The following TTLL3 variants were observed in gnomAD, a reference collection of about 807,000 sequenced individuals.
The protein encoded by TTLL3 is tubulin tyrosine ligase like 3, also known as tubulin monoglycylase TTLL3.
TTLL3 carries 63 observed loss-of-function variants against 75.2 expected under a neutral mutation model. The ratio of observed to expected loss-of-function variants is 0.84; its 90% CI spans 0.68 to 1.03. The LOEUF (loss-of-function observed/expected upper bound fraction) is 1.03, where lower values mean the gene tolerates loss of function less well. Ranked by LOEUF, TTLL3 falls within the 50% of genes least tolerant of loss-of-function variation. TTLL3 has a pLI of 0.00. For synonymous variants in TTLL3, 393 were observed against 418.5 expected (o/e 0.94, Z 0.74); for missense variants, 997 against 1,069.9 (o/e 0.93, Z 0.95).
rs780319955 is a variant in TTLL3 at position 9,810,275 on chromosome 3, C to T, written c.-161C>T. 1.3e-6 allele frequency: 2 copies of T among 1,505,430 alleles called. No homozygotes were observed. The highest frequency in any genetic ancestry group is 1.2e-5 in the South Asian group (1 of 81,118). The allele number at this position is 1,505,430 out of a possible 1,614,324, so 93.3% of individuals were successfully genotyped here. The stretch of plus-strand genomic sequence containing the variant: ...TGCCAGGCGGGCAGCCCCGCCCCTG[C>T]GCGCCGCCTCAGCGGCGCCTTCAAG... On this transcript the variant is annotated 5_prime_UTR_variant, in exon 1 of 14. Coordinates refer to ENST00000685419, the MANE Select transcript of TTLL3 (RefSeq NM_001387446.1). The surrounding 1 kb of genome is among the most constrained non-coding windows in gnomAD (Gnocchi z 4.4).
chr3:9,819,389 C>A, intron 7 of TTLL3: 1 of 457,270 alleles, frequency 2.2e-6, no homozygotes, highest in Non-Finnish European at 2.9e-6. Context: ...GTCTTCCCAT[C>A]CGTTTGTTAG....
intron 5 of TTLL3, among the ~76,000 whole-genome samples, chr3:9,816,724 T>C (rs1021863790): frequency 6.6e-6 from 1 of 151,766 alleles, no homozygotes; most frequent in African/African-American, 2.4e-5. Context: ...ACCATGTTGG[T>C]GACCTCAGGT....
intron 6 of TTLL3, 42 bp downstream of exon 6, chr3:9,817,801 A>G (rs925966823): frequency 2.5e-6 from 4 of 1,612,488 alleles, no homozygotes; most frequent in Non-Finnish European, 2.5e-6. Flanking sequence ...TCAGGCTGAC[A>G]GAGCAGGGCT....
upstream of TTLL3, chr3:9,809,937 G>C: frequency 1.6e-6 from 2 of 1,262,396 alleles, no homozygotes; most frequent in Non-Finnish European, 2.0e-6. Context: ...GAACTTCCCG[G>C]GAGAGGAGGC....
rs1039708805 is a variant in TTLL3 at position 9,832,957 on chromosome 3, G to C, written c.1684-147G>C. 5.4e-6 allele frequency: 5 copies of C among 920,844 alleles called. No individual in the cohort carries two copies. In the Admixed American group the frequency reaches 1.1e-4, roughly 20 times the overall value. 57.0% of individuals were successfully genotyped at this position (920,844 alleles called of 1,614,324 possible). A position where few individuals can be genotyped will look rare whatever the true frequency, so the allele number is the denominator to read the frequency against. Reference sequence around the variant, plus strand: ...TGTGACTCTAGGTACTGACTCAGAGGTGGGCTTTCCATTTCTCAGCTCAGA... The same window carrying C: ...TGTGACTCTAGGTACTGACTCAGAGCTGGGCTTTCCATTTCTCAGCTCAGA... On this transcript the variant is annotated intron_variant, in intron 11 of 13. Transcript: ENST00000685419.
rs2082006347 is a variant in TTLL3 at position 9,836,252 on chromosome 3, A to C, written c.*763A>C. The stretch of plus-strand genomic sequence containing the variant: ...AAGATCAAAACTGTGGTGAGCTGTG[A>C]TCACGCCACTGCGCTCTGAGCCTGG... On this transcript the variant is annotated 3_prime_UTR_variant, in exon 14 of 14. Coordinates refer to ENST00000685419, the MANE Select transcript of TTLL3 (RefSeq NM_001387446.1). 1 of 151,782 alleles carries C rather than the reference A, an allele frequency of 6.6e-6. No homozygotes were observed. The highest frequency in any genetic ancestry group is 2.4e-5 in the African/African-American group (1 of 41,292). The allele number at this position is 151,782 out of a possible 1,614,324, so 9.4% of individuals were successfully genotyped here. A position where few individuals can be genotyped will look rare whatever the true frequency, so the allele number is the denominator to read the frequency against.
At chr3:9,811,673 T>C (rs917057330) in intron 2 of TTLL3, among the ~76,000 whole-genome samples, 4 of 152,230 alleles carry the variant, frequency 2.6e-5, no homozygotes, top group Admixed American at 6.5e-5. Context: ...ACTCTTAGTA[T>C]GAAATCCAAG....
rs774111418 is a variant in TTLL3, at chr3:9,834,953, C to T, written c.2052+46C>T. On this transcript the variant is annotated intron_variant, in intron 13 of 13. Coordinates refer to ENST00000685419, the MANE Select transcript of TTLL3 (RefSeq NM_001387446.1). ...CACACCCAGTGGACAGTGCTGAGCA[C>T]GGGGTCAGGGCTGGAGGGCACAGGC... The T allele has an allele frequency of 5.6e-6, 9 of 1,613,746 alleles. No homozygotes were observed. The Admixed American group carries it at 6.7e-5, about 12-fold the overall frequency.
chr3:9,822,707 A>T (rs796409981), intron 8 of TTLL3, among the ~76,000 whole-genome samples: 2 of 144,636 alleles, frequency 1.4e-5, no homozygotes, highest in Non-Finnish European at 1.5e-5. Flanking sequence ...TGTGATATAC[A>T]TATATCGTTG....
intron 11 of TTLL3, among the ~76,000 whole-genome samples, chr3:9,831,114 T>C (rs1257447132): frequency 6.6e-6 from 1 of 152,204 alleles, no homozygotes; most frequent in African/African-American, 2.4e-5. Flanking sequence ...TAAATGTCTT[T>C]TATTGCTGAT....
chr3:9,820,500 T>A (rs1174753708), intron 7 of TTLL3, 46 bp from the exon 8 acceptor site: 1 of 1,607,056 alleles, frequency 6.2e-7, no homozygotes, highest in Non-Finnish European at 8.5e-7. Flanking sequence ...TGCGTCAGGT[T>A]ACCTGCCTTG....
chr3:9,813,874 G>A (rs2125681661), intron 4 of TTLL3, among the ~76,000 whole-genome samples: 1 of 152,224 alleles, frequency 6.6e-6, no homozygotes, highest in South Asian at 2.1e-4. Flanking sequence ...CTGGGATTCA[G>A]AGCTCTGCTA....
At chr3:9,830,528 C>T (rs1324083015) in intron 11 of TTLL3, among the ~76,000 whole-genome samples, 3 of 152,158 alleles carry the variant, frequency 2.0e-5, no homozygotes, top group Non-Finnish European at 4.4e-5. Flanking sequence ...GTGACCTCGC[C>T]TTTGTTACAG....
At chr3:9,816,523 C>CTTTTTTTTTTTTTTTTTTTTTTTTTTT (rs71052206) in intron 5 of TTLL3, among the ~76,000 whole-genome samples, 1 of 103,992 alleles carries the variant, frequency 9.6e-6, no homozygotes, top group Non-Finnish European at 1.8e-5. Context: ...ACCTGGGTTT[C>CTTTTTTTTTTTTTTTTTTTTTTTTTTT]TTTTTTTTTT....
chr3:9,819,836 G>T (rs1344017293), intron 7 of TTLL3: 3 of 985,316 alleles, frequency 3.0e-6, no homozygotes, highest in Non-Finnish European at 3.6e-6. Context: ...TTGGTTGTGT[G>T]CCAGGATAAG....
At chr3:9,821,095 G>T in intron 8 of TTLL3, 1 of 215,408 alleles carries the variant, frequency 4.6e-6, no homozygotes, top group Non-Finnish European at 9.3e-6. Flanking sequence ...AGTTAAAGAG[G>T]CTTCCCTGGG....
intron 10 of TTLL3, 46 bp from the exon 11 acceptor site, chr3:9,828,914 G>C (rs1356011158): frequency 6.2e-7 from 1 of 1,601,432 alleles, no homozygotes; most frequent in Non-Finnish European, 8.5e-7. Context: ...GTTTGGATGG[G>C]AGAGACACAA....
rs894258712 is a variant in TTLL3 at position 9,812,587 on chromosome 3, G to A, written c.49-356G>A. Among the ~76,000 whole-genome samples the A allele has an allele frequency of 7.2e-5, 11 of 152,136 alleles. 1 individual carries two copies. The highest frequency in any genetic ancestry group is 4.1e-4 in the South Asian group (2 of 4,820). ...TCAAGGAGACTGAGGCAAGAGAATC[G>A]CTTGAACCCAGGAGGAAGAGGGTGC... On this transcript the variant is annotated intron_variant, in intron 2 of 13. Coordinates refer to ENST00000685419, the MANE Select transcript of TTLL3 (RefSeq NM_001387446.1).
intron 8 of TTLL3, among the ~76,000 whole-genome samples, chr3:9,822,443 T>C (rs947900215): frequency 1.6e-4 from 25 of 152,068 alleles, no homozygotes; most frequent in African/African-American, 5.8e-4. Context: ...CGGGATTACA[T>C]AAAACATTGC....
Sources: allele counts gnomAD v4.1 joint callset (sites outside exome capture counted in the v4.1 genomes callset), GRCh38; gene constraint gnomAD v4.1.1; non-coding constraint Gnocchi (gnomAD v3.1); transcripts MANE v1.5; gene names NCBI Gene and HGNC (gene_info 2026-07-23, HGNC 2026-07-21).